The following DENND6A variants were observed in gnomAD, a reference collection of about 807,000 sequenced individuals.
DENND6A encodes DENN domain containing 6A.
Under a neutral mutation model 95.5 loss-of-function variants are expected in DENND6A, and 43 were observed. The observed-to-expected ratio is 0.45, with a 90% confidence interval of 0.35 to 0.58. The LOEUF (loss-of-function observed/expected upper bound fraction) is 0.58, where lower values mean the gene tolerates loss of function less well. Ranked by LOEUF, DENND6A falls within the 20% of genes least tolerant of loss-of-function variation. The probability of loss-of-function intolerance (pLI) is 0.00; values close to 1 mark genes in which losing one functional copy is unlikely to be tolerated. For missense variants in DENND6A, 574 were observed against 736.0 expected, an observed-to-expected ratio of 0.78 and a Z score of 2.55; for synonymous variants, 257 against 260.4, an observed-to-expected ratio of 0.99 and a Z score of 0.13.
At chr3:57,654,723 AC>A (rs780463808) in intron 9 of DENND6A, 693 of 985,096 alleles carry the variant, frequency 7.0e-4, no homozygotes, top group Non-Finnish European at 7.8e-4. Context: ...CATGGAATAG[AC>A]CTTGACCTAG....
intron 12 of DENND6A, among the ~76,000 whole-genome samples, chr3:57,640,719 G>A (rs888200922): frequency 2.0e-5 from 3 of 152,098 alleles, no homozygotes; most frequent in Admixed American, 6.5e-5. Flanking sequence ...TCAGTAGTCC[G>A]CTACATTACA....
At chr3:57,642,045 T>C (rs1382555987) in intron 11 of DENND6A, among the ~76,000 whole-genome samples, 2 of 152,132 alleles carry the variant, frequency 1.3e-5, no homozygotes, top group South Asian at 4.1e-4. Flanking sequence ...CCGAGCGCGG[T>C]GATTCACGCC....
At chr3:57,677,145 C>G (rs929608928) in intron 1 of DENND6A, among the ~76,000 whole-genome samples, 7 of 151,976 alleles carry the variant, frequency 4.6e-5, no homozygotes, top group Admixed American at 3.3e-4. Context: ...TTTTTTAAAT[C>G]GTCAACTTTC....
intron 4 of DENND6A, among the ~76,000 whole-genome samples, chr3:57,664,525 T>A (rs891351838): frequency 6.6e-6 from 1 of 152,212 alleles, no homozygotes; most frequent in Non-Finnish European, 1.5e-5. Context: ...TATCATGATT[T>A]AGGAGGGATA....
intron 3 of DENND6A, among the ~76,000 whole-genome samples, chr3:57,666,981 A>G (rs898894484): frequency 1.2e-4 from 19 of 152,248 alleles, no homozygotes; most frequent in African/African-American, 4.3e-4. Flanking sequence ...AAAAATTTTA[A>G]TGGAAATTGA....
In DENND6A at chr3:57,657,742, GATAGA is replaced by G; in HGVS notation, c.763-12_763-8del. On this transcript the variant is annotated splice_region_variant and splice_polypyrimidine_tract_variant and intron_variant, in intron 8 of 19. Transcript: ENST00000311128. ...CAGATATATTTGTGTCCACCTGAGA[GATAGA>G]AAAGAAAAATAAAAGAAGGTATCAC... 6.4e-7 allele frequency: 1 copy of G among 1,560,770 alleles called. No homozygotes were observed. Among genetic ancestry groups the G allele is most frequent in the Non-Finnish European group, 8.7e-7 (1 of 1,148,110 alleles).
intron 1 of DENND6A, among the ~76,000 whole-genome samples, chr3:57,684,731 T>G (rs1438359772): frequency 1.3e-5 from 2 of 152,196 alleles, no homozygotes; most frequent in South Asian, 4.1e-4. Context: ...TGCAGTGCAC[T>G]GTAGCCTGGT....
intron 1 of DENND6A, among the ~76,000 whole-genome samples, chr3:57,687,929 C>CAA (rs55695630): frequency 0.19 from 25,791 of 135,578 alleles, 2,803 homozygotes; most frequent in East Asian, 0.48. Flanking sequence ...AAGACCACCT[C>CAA]AAAAAAAAAA....
At chr3:57,639,822 T>A (rs1044387728) in intron 12 of DENND6A, among the ~76,000 whole-genome samples, 6 of 148,726 alleles carry the variant, frequency 4.0e-5, no homozygotes, top group Non-Finnish European at 8.8e-5. Context: ...TAAGACCGAG[T>A]CCAGAATTTG....
chr3:57,628,025 G>T lies in DENND6A; in HGVS notation c.*189C>A. ...TCAGTATTAAAGTGGAACCACCACA[G>T]ATATCCACTTTAAAAAGTAATGCAC... On this transcript the variant is annotated 3_prime_UTR_variant, in exon 20 of 20. Transcript: ENST00000311128. 1 of 677,028 alleles carries T rather than the reference G, an allele frequency of 1.5e-6. No homozygotes were observed. The highest frequency in any genetic ancestry group is 2.3e-6 in the Non-Finnish European group (1 of 439,216). 41.9% of individuals were successfully genotyped at this position (677,028 alleles called of 1,614,324 possible).
chr3:57,628,634 T>C (rs965159151), intron 19 of DENND6A, among the ~76,000 whole-genome samples, 177 bp downstream of exon 19: 1 of 152,246 alleles, frequency 6.6e-6, no homozygotes, highest in Non-Finnish European at 1.5e-5. Flanking sequence ...TATGGCATCA[T>C]TATGGTCTGT....
chr3:57,652,809 G>A (rs1488759969), intron 9 of DENND6A, among the ~76,000 whole-genome samples: 3 of 152,068 alleles, frequency 2.0e-5, no homozygotes, highest in African/African-American at 7.3e-5. Flanking sequence ...CTAAACTGAG[G>A]AGTTTCTGCA....
chr3:57,629,226 G>C (rs2070604828), intron 18 of DENND6A, among the ~76,000 whole-genome samples: 1 of 152,304 alleles, frequency 6.6e-6, no homozygotes, highest in Admixed American at 6.5e-5. Context: ...AGGAACATTA[G>C]TTAACAAATC....
chr3:57,661,616 T>G, intron 5 of DENND6A, 65 bp from the exon 6 acceptor site: 1 of 1,269,358 alleles, frequency 7.9e-7, no homozygotes, highest in Middle Eastern at 1.8e-4. Flanking sequence ...CATAATCAAT[T>G]ACTAACAAGC....
intron 1 of DENND6A, among the ~76,000 whole-genome samples, chr3:57,689,683 A>C (rs2077243232): frequency 6.6e-6 from 1 of 152,224 alleles, no homozygotes; most frequent in South Asian, 2.1e-4. Flanking sequence ...AAACCAGGCC[A>C]GATTATCTTC....
At chr3:57,671,951 T>C (rs189306757) in intron 3 of DENND6A, among the ~76,000 whole-genome samples, 215 of 152,318 alleles carry the variant, frequency 1.4e-3, no homozygotes, top group African/African-American at 4.9e-3. Context: ...CTACATACTA[T>C]ATAAACTATT....
chr3:57,690,129 G>A (rs1460255520), intron 1 of DENND6A, among the ~76,000 whole-genome samples: 1 of 149,912 alleles, frequency 6.7e-6, no homozygotes, highest in Non-Finnish European at 1.5e-5. Context: ...TGTATCACTT[G>A]AGGTCAGGAG....
chr3:57,664,716 C>T (rs542425586), intron 4 of DENND6A, among the ~76,000 whole-genome samples: 4 of 152,210 alleles, frequency 2.6e-5, no homozygotes, highest in Admixed American at 1.3e-4. Context: ...GCCTGTAATC[C>T]CAACTACTCA....
intron 3 of DENND6A, among the ~76,000 whole-genome samples, chr3:57,667,488 T>C (rs2153416064): frequency 6.6e-6 from 1 of 152,192 alleles, no homozygotes; most frequent in African/African-American, 2.4e-5. Flanking sequence ...TGTACAAACA[T>C]AGCTACAGAG....
Sources: allele counts gnomAD v4.1 joint callset (sites outside exome capture counted in the v4.1 genomes callset), GRCh38; gene constraint gnomAD v4.1.1; transcripts MANE v1.5; gene names NCBI Gene and HGNC (gene_info 2026-07-23, HGNC 2026-07-21).